Variants in PRKN observed in about 807,000 individuals in gnomAD.
PRKN encodes E3 ubiquitin-protein ligase parkin.
A neutral mutation model predicts 59.5 loss-of-function variants in PRKN; 56 were observed. The observed-to-expected ratio is 0.94, with a 90% CI of 0.76 to 1.18. The LOEUF is 1.18. PRKN is among the 50% of genes most tolerant of loss of function. The pLI is 0.00. For missense variants in PRKN, 657 were observed against 596.4 expected, an observed-to-expected ratio of 1.10 and a Z score of -1.06; for synonymous variants, 250 against 222.1, an observed-to-expected ratio of 1.13 and a Z score of -1.12.
chr6:161,872,766 C>T (rs1794395973), intron 6 of PRKN, among the ~76,000 whole-genome samples: 1 of 152,090 alleles, frequency 6.6e-6, no homozygotes, highest in Admixed American at 6.6e-5. Context: ...CCTGAGCCCT[C>T]TGCCTCAGGC....
chr6:162,549,475 T>C (rs184815128), intron 1 of PRKN, among the ~76,000 whole-genome samples: 41 of 152,230 alleles, frequency 2.7e-4, no homozygotes, highest in Non-Finnish European at 4.9e-4. Flanking sequence ...GACAAACTGA[T>C]GTGCTTCTAG....
chr6:162,178,848 C>T (rs1783654751), intron 4 of PRKN, among the ~76,000 whole-genome samples: 1 of 152,066 alleles, frequency 6.6e-6, no homozygotes, highest in African/African-American at 2.4e-5. Flanking sequence ...TGCATCATCT[C>T]TTCCTCATCA....
chr6:161,704,385 T>G (rs1786394103), intron 7 of PRKN, among the ~76,000 whole-genome samples: 1 of 152,190 alleles, frequency 6.6e-6, no homozygotes, highest in Non-Finnish European at 1.5e-5. Flanking sequence ...CTCTGACTCG[T>G]GCTGCCATCT....
chr6:162,607,362 G>A (rs1400090075), intron 1 of PRKN, among the ~76,000 whole-genome samples: 1 of 152,130 alleles, frequency 6.6e-6, no homozygotes, highest in Non-Finnish European at 1.5e-5. Flanking sequence ...TTGCTCAGGT[G>A]GCACTGGTAA....
At chr6:162,224,546 C>A (rs575190353) in intron 3 of PRKN, among the ~76,000 whole-genome samples, 1 of 152,146 alleles carries the variant, frequency 6.6e-6, no homozygotes, top group Admixed American at 6.5e-5. Context: ...CACTAATGTG[C>A]ATGTGGGGAA....
intron 6 of PRKN, among the ~76,000 whole-genome samples, chr6:161,858,878 T>TTTTTTA (rs71004066): frequency 6.9e-6 from 1 of 145,118 alleles, no homozygotes; most frequent in Non-Finnish European, 1.5e-5. Flanking sequence ...TTTTTTTTTT[T>TTTTTTA]GAGACAGAGG....
chr6:162,714,645 G>A (rs944467336), intron 1 of PRKN, among the ~76,000 whole-genome samples: 1 of 152,130 alleles, frequency 6.6e-6, no homozygotes, highest in African/African-American at 2.4e-5. Context: ...ATGTGATTAC[G>A]AACCTTTTAG....
At chr6:162,725,193 GGT>G (rs1270071293) in intron 1 of PRKN, among the ~76,000 whole-genome samples, 1 of 152,202 alleles carries the variant, frequency 6.6e-6, no homozygotes, top group Non-Finnish European at 1.5e-5. Flanking sequence ...CCCGCAACAA[GGT>G]GAGTGTAATA....
At chr6:162,727,442 C>T (rs1223846609) in intron 1 of PRKN, among the ~76,000 whole-genome samples, 1 of 151,778 alleles carries the variant, frequency 6.6e-6, no homozygotes, top group Non-Finnish European at 1.5e-5. Context: ...ACGCTCAGAG[C>T]AGGGGCGGGC....
chr6:161,762,536 G>C (rs1349698886), intron 7 of PRKN, among the ~76,000 whole-genome samples: 1 of 152,146 alleles, frequency 6.6e-6, no homozygotes, highest in African/African-American at 2.4e-5. Context: ...CTCTATGCCT[G>C]AACTAATATT....
intron 1 of PRKN, among the ~76,000 whole-genome samples, chr6:162,593,649 A>C (rs988365634): frequency 4.6e-5 from 7 of 152,138 alleles, no homozygotes; most frequent in African/African-American, 1.7e-4. Context: ...AGGCTATGAA[A>C]GGGTGTGTAC....
intron 6 of PRKN, among the ~76,000 whole-genome samples, chr6:161,792,229 C>T (rs1160516149): frequency 6.6e-6 from 1 of 152,156 alleles, no homozygotes; most frequent in African/African-American, 2.4e-5. Flanking sequence ...TTTCTTCAGC[C>T]ACTAAGTTAT....
intron 1 of PRKN, among the ~76,000 whole-genome samples, chr6:162,445,575 C>T (rs1790269757): frequency 1.3e-5 from 2 of 151,266 alleles, no homozygotes; most frequent in South Asian, 4.2e-4. Context: ...ACTTGCAGTC[C>T]CAGCTACTCT....
chr6:162,233,882 C>A (rs1307256113), intron 3 of PRKN, among the ~76,000 whole-genome samples: 1 of 152,172 alleles, frequency 6.6e-6, no homozygotes, highest in East Asian at 1.9e-4. Context: ...CAAGAAGGCC[C>A]TCACCAGATG....
chr6:162,646,578 C>T (rs1778196267), intron 1 of PRKN, among the ~76,000 whole-genome samples: 1 of 152,034 alleles, frequency 6.6e-6, no homozygotes, highest in Non-Finnish European at 1.5e-5. Flanking sequence ...GCCACCATGC[C>T]CAGCTGAATT....
At chr6:161,850,924 G>A (rs1793407180) in intron 6 of PRKN, among the ~76,000 whole-genome samples, 3 of 152,112 alleles carry the variant, frequency 2.0e-5, no homozygotes, top group South Asian at 2.1e-4. Flanking sequence ...TTTAAATACT[G>A]GGGATGTTAA....
intron 9 of PRKN, among the ~76,000 whole-genome samples, chr6:161,513,282 C>T (rs1032363498): frequency 6.6e-6 from 1 of 152,128 alleles, no homozygotes; most frequent in Admixed American, 6.5e-5. Flanking sequence ...GCTCTGTCAC[C>T]CAGGCTGGAG....
At chr6:161,680,761 ATATATATATATATATT>A (rs1275536274) in intron 7 of PRKN, among the ~76,000 whole-genome samples, 112 of 9,876 alleles carry the variant, frequency 0.011, 4 homozygotes, top group East Asian at 0.037. Flanking sequence ...ATATATATAT[ATATATATATATATATT>A]TTTTTTTTTT....
intron 9 of PRKN, among the ~76,000 whole-genome samples, chr6:161,394,199 CACA>C (rs1786643943): frequency 6.6e-6 from 1 of 152,172 alleles, no homozygotes. Flanking sequence ...CTTTCAAGTA[CACA>C]ACATCTTAAA....
Sources: allele counts gnomAD v4.1 joint callset (sites outside exome capture counted in the v4.1 genomes callset), GRCh38; gene constraint gnomAD v4.1.1; transcripts MANE v1.5; gene names NCBI Gene and HGNC (gene_info 2026-07-23, HGNC 2026-07-21).